The following PCLO variants were observed in gnomAD, a reference collection of about 807,000 sequenced individuals.
The protein encoded by PCLO is piccolo presynaptic cytomatrix protein.
PCLO carries 82 observed loss-of-function variants against 427.5 expected under a neutral mutation model. The ratio of observed to expected loss-of-function variants is 0.19; its 90% CI spans 0.16 to 0.23. The LOEUF is 0.23. Among genes scored for constraint, PCLO ranks in the 10% least tolerant of loss-of-function variants. The probability of loss-of-function intolerance (pLI) is 1.00; values close to 1 mark genes in which losing one functional copy is unlikely to be tolerated. For synonymous variants in PCLO, 2,357 were observed against 2,155.4 expected, an observed-to-expected ratio of 1.09 and a Z score of -2.59; for missense variants, 6,239 against 6,115.9, an observed-to-expected ratio of 1.02 and a Z score of -0.67.
rs574341502 is a variant in PCLO at position 83,156,792 on chromosome 7, A to T, written c.249-400T>A. Among the ~76,000 whole-genome samples, 3 of 152,262 alleles carry T rather than the reference A, an allele frequency of 2.0e-5. No homozygotes were observed. The South Asian group carries it at 6.2e-4, about 32-fold the overall frequency. On this transcript the variant is annotated intron_variant, in intron 1 of 24. Coordinates refer to ENST00000333891, the MANE Select transcript of PCLO (RefSeq NM_033026.6). Reference sequence around the variant, plus strand: ...CATATTATAAGGCATACATGTTCACAGAGTGTATTTTTTTCTTTTTATCAA... The same window carrying T: ...CATATTATAAGGCATACATGTTCACTGAGTGTATTTTTTTCTTTTTATCAA...
intron 3 of PCLO, among the ~76,000 whole-genome samples, chr7:83,043,253 A>T (rs1025082823): frequency 1.3e-5 from 2 of 152,178 alleles, no homozygotes; most frequent in African/African-American, 4.8e-5. Flanking sequence ...TTAAGATAGC[A>T]ATAGAGGTCG....
At chr7:82,934,403 G>A (rs1794905367) in intron 6 of PCLO, among the ~76,000 whole-genome samples, 1 of 151,804 alleles carries the variant, frequency 6.6e-6, no homozygotes, top group Admixed American at 6.6e-5. Context: ...ATATTTATTT[G>A]TGTAGTTTAG....
At chr7:83,096,319 C>T (rs557970856) in intron 3 of PCLO, among the ~76,000 whole-genome samples, 1 of 152,096 alleles carries the variant, frequency 6.6e-6, no homozygotes, top group Non-Finnish European at 1.5e-5. Context: ...ATTCTTTCCA[C>T]ATCTGCACTT....
At chr7:82,880,730 A>C (rs924806139) in intron 9 of PCLO, among the ~76,000 whole-genome samples, 3 of 152,172 alleles carry the variant, frequency 2.0e-5, no homozygotes, top group East Asian at 3.9e-4. Context: ...ATGTCAACAG[A>C]GCCAAGGTTG....
chr7:83,073,293 A>T lies in PCLO; in HGVS notation c.3300+60957T>A, dbSNP rs1016679662. Among the ~76,000 whole-genome samples, 20 of 152,086 alleles carry T rather than the reference A, an allele frequency of 1.3e-4. 1 individual carries two copies. The highest frequency in any genetic ancestry group is 1.2e-3 in the Admixed American group (18 of 15,274). On this transcript the variant is annotated intron_variant, in intron 3 of 24. Transcript: ENST00000333891. ...CCATTAAAATTATGGTTAAACTAACAGCCATCATAATATAATGTGGAGCAA... is the reference window on the plus strand; with the variant it reads ...CCATTAAAATTATGGTTAAACTAACTGCCATCATAATATAATGTGGAGCAA...
intron 3 of PCLO, among the ~76,000 whole-genome samples, chr7:83,009,296 TAGA>T (rs1788022457): frequency 6.6e-6 from 1 of 151,786 alleles, no homozygotes; most frequent in Non-Finnish European, 1.5e-5. Context: ...AACATAAAGA[TAGA>T]AAATAATTAT....
intron 3 of PCLO, among the ~76,000 whole-genome samples, chr7:83,041,232 A>T (rs1324587998): frequency 6.6e-6 from 1 of 152,168 alleles, no homozygotes; most frequent in Non-Finnish European, 1.5e-5. Flanking sequence ...AATTATATAT[A>T]AAAAGAAATA....
At chr7:82,847,487 G>T (rs1174581054) in intron 10 of PCLO, among the ~76,000 whole-genome samples, 7 of 152,024 alleles carry the variant, frequency 4.6e-5, no homozygotes, top group Admixed American at 2.6e-4. Context: ...TTGAAAATCT[G>T]TGTAATATTA....
rs1311902058 is a variant in PCLO, at chr7:82,965,758, A to G, written c.4017+13T>C. The G allele has an allele frequency of 6.4e-7, 1 of 1,556,482 alleles. No individual in the cohort carries two copies. Among genetic ancestry groups the G allele is most frequent in the South Asian group, 1.2e-5 (1 of 83,850 alleles). On this transcript the variant is annotated intron_variant, in intron 4 of 24. Transcript: ENST00000333891. ...CACATGAGAGTGTGAGAAGTTAGTA[A>G]AATTTAACTTACTGTTTTTTCTTTC...
At chr7:82,996,846 T>C (rs926514335) in intron 3 of PCLO, among the ~76,000 whole-genome samples, 8 of 149,036 alleles carry the variant, frequency 5.4e-5, no homozygotes, top group Non-Finnish European at 1.2e-4. Context: ...AATTTCTATA[T>C]CTAAGCATCT....
In PCLO at chr7:82,768,608, A is replaced by G. The variant is rs932403051; in HGVS notation, c.15008-7115T>C. On this transcript the variant is annotated intron_variant, in intron 22 of 24. Transcript: ENST00000333891. Reference sequence around the variant, plus strand: ...TATAATCATTTTTTGATAAACATGAATATTTTAATTCTACTTTAACAAAAT... The same window carrying G: ...TATAATCATTTTTTGATAAACATGAGTATTTTAATTCTACTTTAACAAAAT... 4.3e-4 allele frequency among the ~76,000 whole-genome samples: 65 copies of G among 152,190 alleles called. 1 individual carries two copies. Among genetic ancestry groups the G allele is most frequent in the Admixed American group, 4.6e-4 (7 of 15,280 alleles).
At chr7:83,064,276 C>A (rs532863121) in intron 3 of PCLO, among the ~76,000 whole-genome samples, 1 of 151,452 alleles carries the variant, frequency 6.6e-6, no homozygotes, top group Non-Finnish European at 1.5e-5. Context: ...ATCATGGGAA[C>A]AAAAAGAAGA....
At chr7:83,000,483 C>A (rs761814007) in intron 3 of PCLO, among the ~76,000 whole-genome samples, 24 of 151,942 alleles carry the variant, frequency 1.6e-4, no homozygotes, top group Non-Finnish European at 2.1e-4. Flanking sequence ...CACCAGGGAC[C>A]AGTTTCATGC....
At chr7:82,957,230 A>G (rs1795548230) in intron 4 of PCLO, among the ~76,000 whole-genome samples, 1 of 152,138 alleles carries the variant, frequency 6.6e-6, no homozygotes, top group Admixed American at 6.5e-5. Context: ...AAATATGATT[A>G]CTTTTCTCAA....
intron 22 of PCLO, among the ~76,000 whole-genome samples, chr7:82,769,606 G>C (rs1790606148): frequency 6.6e-6 from 1 of 152,022 alleles, no homozygotes; most frequent in Non-Finnish European, 1.5e-5. Flanking sequence ...TAAGTAACTG[G>C]AAATGAATAC....
intron 3 of PCLO, among the ~76,000 whole-genome samples, chr7:83,091,669 T>C (rs553778519): frequency 6.6e-6 from 1 of 152,270 alleles, no homozygotes; most frequent in African/African-American, 2.4e-5. Flanking sequence ...ATTTTGTACA[T>C]TTGCTTATAA....
Position 82,955,445 on chromosome 7 carries a change from T to C in PCLO, c.5508A>G (p.Ala1836=). The stretch of plus-strand genomic sequence containing the variant: ...CCTGACGTAACTCTTCTGTCGGAGA[T>C]GCATCTTCAATGGGAGAGAGATTAC... The part of the protein sequence containing the change: ...PPSNLSPIED[A]SPTEELRQAA... The change falls in exon 5 of 25, where the codon GCA becomes GCG. Residue 1836 remains alanine, a synonymous_variant. Coordinates refer to ENST00000333891, the MANE Select transcript of PCLO (RefSeq NM_033026.6). 6.2e-7 allele frequency: 1 copy of C among 1,613,706 alleles called. No homozygotes were observed. Among genetic ancestry groups the C allele is most frequent in the Non-Finnish European group, 8.5e-7 (1 of 1,179,796 alleles).
chr7:82,816,684 A>T (rs374952718), intron 20 of PCLO, among the ~76,000 whole-genome samples: 1 of 152,278 alleles, frequency 6.6e-6, no homozygotes, highest in Non-Finnish European at 1.5e-5. Flanking sequence ...TAGCTAGACC[A>T]TATGACTAAG....
At chr7:83,046,658 T>C (rs1290707104) in intron 3 of PCLO, among the ~76,000 whole-genome samples, 2 of 152,070 alleles carry the variant, frequency 1.3e-5, no homozygotes, top group East Asian at 3.8e-4. Flanking sequence ...TGAATTCTTA[T>C]TTTATTCCTG....
Sources: gnomAD v4.1 joint callset for allele counts (sites outside exome capture counted in the v4.1 genomes callset) on GRCh38, gnomAD v4.1.1 for gene constraint, MANE v1.5 for transcripts, NCBI Gene and HGNC (gene_info 2026-07-23, HGNC 2026-07-21) for gene names.